TSPEAR: variants seen among roughly 807,000 people sequenced by gnomAD.
TSPEAR encodes thrombospondin-type laminin G domain and EAR repeat-containing protein.
Under a neutral mutation model 71.6 loss-of-function variants are expected in TSPEAR, and 69 were observed. The ratio of observed to expected loss-of-function variants is 0.96; its 90% CI spans 0.79 to 1.18. The LOEUF is 1.18. TSPEAR is among the 50% of genes most tolerant of loss of function. TSPEAR has a pLI of 0.00. For synonymous variants in TSPEAR, 402 were observed against 387.2 expected (o/e 1.04, Z -0.45); for missense variants, 971 against 894.9 (o/e 1.09, Z -1.09).
chr21:44,514,758 A>C (rs1252412422), intron 9 of TSPEAR, among the ~76,000 whole-genome samples: 2 of 152,086 alleles, frequency 1.3e-5, no homozygotes, highest in South Asian at 2.1e-4. Context: ...GGTGTCTCCA[A>C]CCTGGAAGAA....
intron 1 of TSPEAR, chr21:44,601,917 C>CT: frequency 1.1e-6 from 1 of 912,344 alleles, no homozygotes; most frequent in Non-Finnish European, 1.6e-6. Context: ...CAAGTCTTGA[C>CT]TTTCCCCCAA....
At chr21:44,678,242 C>T (rs1986417722) in intron 1 of TSPEAR, among the ~76,000 whole-genome samples, 1 of 152,056 alleles carries the variant, frequency 6.6e-6, no homozygotes, top group Non-Finnish European at 1.5e-5. Context: ...ATGTAATCCC[C>T]AGCGCTGGAG....
At position 44,526,986 on chromosome 21, in the gene TSPEAR, C is replaced by T. The variant is rs143308706; in HGVS notation, c.1149+306G>A. ...TCTGAAACGATTTGTGGGTTCTTGA[C>T]CAGCTCATGTAAACACTCTCAACAG... On this transcript the variant is annotated intron_variant, in intron 7 of 11. Coordinates refer to ENST00000323084, the MANE Select transcript of TSPEAR (RefSeq NM_144991.3). Among the ~76,000 whole-genome samples the T allele has an allele frequency of 2.4e-4, 36 of 152,324 alleles. No individual in the cohort carries two copies. The East Asian group carries it at 5.4e-3, about 23-fold the overall frequency.
intron 1 of TSPEAR, chr21:44,681,614 T>G: frequency 1.9e-6 from 1 of 538,920 alleles, no homozygotes; most frequent in Non-Finnish European, 3.2e-6. Flanking sequence ...TCTCATGGGG[T>G]CAGAGAATGA....
At chr21:44,647,095 T>A (rs375167760) in intron 1 of TSPEAR, 4 of 1,613,498 alleles carry the variant, frequency 2.5e-6, no homozygotes, top group Non-Finnish European at 8.5e-7. Flanking sequence ...TAGGGCTTCC[T>A]CTTCACGCTG....
chr21:44,665,947 G>T lies in TSPEAR; in HGVS notation c.82+45486C>A, dbSNP rs1369763788. 3.3e-5 allele frequency among the ~76,000 whole-genome samples: 5 copies of T among 152,172 alleles called. No homozygotes were observed. The East Asian group carries it at 9.6e-4, about 29-fold the overall frequency. On this transcript the variant is annotated intron_variant, in intron 1 of 11. Transcript: ENST00000323084. ...GGAGCAGGAGTGGACAGCCAGTGGG[G>T]AAGCGAGACCACTCTACCACAGGCG...
chr21:44,700,994 G>T (rs1405285534), intron 1 of TSPEAR, among the ~76,000 whole-genome samples: 1 of 152,164 alleles, frequency 6.6e-6, no homozygotes, highest in Non-Finnish European at 1.5e-5. Context: ...CCTGGGAAAG[G>T]GTGTGGTGGT....
intron 1 of TSPEAR, among the ~76,000 whole-genome samples, chr21:44,688,109 GATGAAAACAGTAAATGTTTTC>G (rs1555949170): frequency 2.6e-5 from 4 of 152,232 alleles, no homozygotes; most frequent in African/African-American, 9.7e-5. Flanking sequence ...TAGTTCAGAA[GATGAAAACAGTAAATGTTTTC>G]ATAAAAAATA....
In TSPEAR at chr21:44,553,651, T is replaced by G. The variant is rs193250755; in HGVS notation, c.303+14134A>C. On this transcript the variant is annotated intron_variant, in intron 2 of 11. Transcript: ENST00000323084. ...AAAGAAATAATTGAGGATCAGGTAT[T>G]CTGGGCTGAATGGACAGAGGTGTGT... Among the ~76,000 whole-genome samples the G allele has an allele frequency of 2.7e-4, 41 of 152,294 alleles. 1 individual carries two copies. The East Asian group carries it at 5.6e-3, about 21-fold the overall frequency.
rs1385776725 is a variant in TSPEAR, at chr21:44,637,212, G to C, written c.83-69207C>G. The C allele has an allele frequency of 5.7e-6, 4 of 702,862 alleles. No homozygotes were observed. The African/African-American group carries it at 7.2e-5, about 13-fold the overall frequency. 43.5% of individuals were successfully genotyped at this position (702,862 alleles called of 1,614,324 possible). On this transcript the variant is annotated intron_variant, in intron 1 of 11. Transcript: ENST00000323084. Reference sequence around the variant, plus strand: ...AGTGTTAGGAGCAGAGTGAGGACAAGTCATGGCAAAGGAAGCAGAAATAAT... The same window carrying C: ...AGTGTTAGGAGCAGAGTGAGGACAACTCATGGCAAAGGAAGCAGAAATAAT...
chr21:44,558,387 C>A (rs781876299), intron 2 of TSPEAR: 1 of 1,613,082 alleles, frequency 6.2e-7, no homozygotes, highest in African/African-American at 1.3e-5. Context: ...GACGGGCACA[C>A]AGCAGACTGG....
intron 1 of TSPEAR, among the ~76,000 whole-genome samples, chr21:44,673,814 G>T (rs906417523): frequency 6.6e-6 from 1 of 151,904 alleles, no homozygotes; most frequent in African/African-American, 2.4e-5. Flanking sequence ...AAGAGCTTTG[G>T]AAACTGTACA....
intron 8 of TSPEAR, among the ~76,000 whole-genome samples, chr21:44,523,701 GTAGT>G (rs1255933403): frequency 2.8e-4 from 43 of 151,056 alleles, no homozygotes; most frequent in African/African-American, 9.0e-4. Context: ...AGATAGGCAG[GTAGT>G]TAGTCATCAG....
intron 2 of TSPEAR, chr21:44,551,499 T>C (rs782328491): frequency 6.4e-7 from 1 of 1,571,740 alleles, no homozygotes; most frequent in Non-Finnish European, 8.6e-7. Flanking sequence ...GGTGTGTGAG[T>C]GAGTGAGTGT....
At chr21:44,539,286 G>T (rs200980666) in intron 2 of TSPEAR, 290 of 1,604,886 alleles carry the variant, frequency 1.8e-4, no homozygotes, top group Non-Finnish European at 2.2e-4. Flanking sequence ...CTGGACTCCT[G>T]GCCTGAGCAG....
At chr21:44,509,115 G>T in intron 10 of TSPEAR, 84 bp downstream of exon 10, 2 of 1,467,554 alleles carry the variant, frequency 1.4e-6, no homozygotes, top group Non-Finnish European at 9.3e-7. Context: ...GGGAAGGGTG[G>T]TGAGGATGAG....
intron 9 of TSPEAR, among the ~76,000 whole-genome samples, chr21:44,513,601 G>C (rs1477508758): frequency 2.0e-5 from 3 of 152,226 alleles, no homozygotes; most frequent in African/African-American, 7.2e-5. Context: ...TGGGATGATG[G>C]TGCTTCCGGG....
chr21:44,628,075 G>C (rs587628552), intron 1 of TSPEAR: 2 of 1,595,562 alleles, frequency 1.3e-6, no homozygotes, highest in African/African-American at 1.3e-5. Context: ...AGGGCCAGCC[G>C]GGCTCAGGCC....
At chr21:44,646,344 C>T in intron 1 of TSPEAR, 1 of 1,436,790 alleles carries the variant, frequency 7.0e-7, no homozygotes, top group Non-Finnish European at 9.4e-7. Flanking sequence ...TGGGACAACA[C>T]ATGCCAGGGA....
Sources: gnomAD v4.1 joint callset for allele counts (sites outside exome capture counted in the v4.1 genomes callset) on GRCh38, gnomAD v4.1.1 for gene constraint, MANE v1.5 for transcripts, NCBI Gene and HGNC (gene_info 2026-07-23, HGNC 2026-07-21) for gene names.